ABR: variants seen among roughly 807,000 people sequenced by gnomAD.
ABR encodes the protein active breakpoint cluster region-related protein.
ABR carries 35 observed loss-of-function variants against 107.2 expected under a neutral mutation model. The ratio of observed to expected loss-of-function variants is 0.33; its 90% CI spans 0.25 to 0.43. ABR has a LOEUF of 0.43. Ranked by LOEUF, ABR falls within the 20% of genes least tolerant of loss-of-function variation. The pLI is 1.00. For synonymous variants in ABR, 498 were observed against 462.0 expected, an observed-to-expected ratio of 1.08 and a Z score of -1.00; for missense variants, 815 against 1,115.2, an observed-to-expected ratio of 0.73 and a Z score of 3.83.
intron 2 of ABR, among the ~76,000 whole-genome samples, chr17:1,110,503 T>C (rs2038610310): frequency 6.6e-6 from 1 of 152,178 alleles, no homozygotes; most frequent in African/African-American, 2.4e-5. Flanking sequence ...TCTGGCTTAT[T>C]AACAGGAATG....
chr17:1,034,651 T>C (rs1471052275), intron 16 of ABR, among the ~76,000 whole-genome samples: 1 of 150,874 alleles, frequency 6.6e-6, no homozygotes, highest in African/African-American at 2.5e-5. Context: ...AGCTTTACTC[T>C]ACCTCCCTCC....
chr17:1,110,985 C>T (rs1026995425), intron 2 of ABR, among the ~76,000 whole-genome samples: 2 of 152,190 alleles, frequency 1.3e-5, no homozygotes, highest in Non-Finnish European at 2.9e-5. Flanking sequence ...AACGACCAGG[C>T]CTGGCATTCC....
rs1442069639 is a variant in ABR, at chr17:1,175,366, C to T, written c.61+4301G>A. ...GGCGGAGGTTGCAGTGAGCCGAGAT[C>T]GCACCGCCGCACTCCAGCCTGGGCG... On this transcript the variant is annotated intron_variant, in intron 1 of 22. Coordinates refer to ENST00000302538, the MANE Select transcript of ABR (RefSeq NM_021962.5). 3.3e-5 allele frequency among the ~76,000 whole-genome samples: 5 copies of T among 152,068 alleles called. No individual in the cohort carries two copies. The East Asian group carries it at 5.8e-4, about 18-fold the overall frequency.
chr17:1,009,986 T>C, intron 20 of ABR: 1 of 601,794 alleles, frequency 1.7e-6, no homozygotes, highest in East Asian at 2.8e-5. Flanking sequence ...GACTGGTAAC[T>C]CAGCCAGGAG....
chr17:1,222,083 T>TTTTTTTTTTTTTG (rs1426544021), intron 1 of ABR, among the ~76,000 whole-genome samples: 2 of 151,178 alleles, frequency 1.3e-5, no homozygotes, highest in African/African-American at 2.4e-5. Flanking sequence ...TCTTTTTTTC[T>TTTTTTTTTTTTTG]GAGACGGAGT....
At chr17:1,161,370 T>C (rs905816931) in intron 1 of ABR, among the ~76,000 whole-genome samples, 3 of 151,622 alleles carry the variant, frequency 2.0e-5, no homozygotes, top group Admixed American at 6.6e-5. Flanking sequence ...GCCTCCCAAG[T>C]AGCTTAGACT....
chr17:1,098,403 C>T (rs924458171), intron 3 of ABR, among the ~76,000 whole-genome samples: 2 of 152,190 alleles, frequency 1.3e-5, no homozygotes, highest in South Asian at 4.1e-4. Context: ...AAACCCACAA[C>T]AGGTGTAAGA....
intron 1 of ABR, among the ~76,000 whole-genome samples, chr17:1,220,048 T>C (rs1374025183): frequency 6.6e-6 from 1 of 151,916 alleles, no homozygotes. Context: ...TCACAGCACT[T>C]TGGGAGGCGG....
chr17:1,052,190 C>A (rs1023299215), intron 14 of ABR, among the ~76,000 whole-genome samples: 1 of 152,066 alleles, frequency 6.6e-6, no homozygotes, highest in African/African-American at 2.4e-5. Flanking sequence ...ACACACAGAA[C>A]GGGGCTGGGG....
chr17:1,209,180 T>TA (rs1241283506), intron 1 of ABR, among the ~76,000 whole-genome samples: 1 of 152,038 alleles, frequency 6.6e-6, no homozygotes, highest in Non-Finnish European at 1.5e-5. Context: ...GCCTGGAACT[T>TA]ACAGTCATAA....
intron 2 of ABR, among the ~76,000 whole-genome samples, chr17:1,102,583 C>T (rs1007884561): frequency 2.0e-5 from 3 of 152,232 alleles, no homozygotes; most frequent in African/African-American, 4.8e-5. Context: ...TAAGAGTTTA[C>T]AAATTTGTGT....
At chr17:1,006,649 A>T (rs2070061418) in intron 22 of ABR, among the ~76,000 whole-genome samples, 1 of 151,982 alleles carries the variant, frequency 6.6e-6, no homozygotes, top group Admixed American at 6.5e-5. Context: ...CCCTGGTGAC[A>T]CCCCATAGCC....
At chr17:1,079,108 A>G in intron 6 of ABR, 1 of 1,436,184 alleles carries the variant, frequency 7.0e-7, no homozygotes, top group South Asian at 1.5e-5. Flanking sequence ...CCTAAAGAGG[A>G]GCACGTTTGT....
intron 2 of ABR, among the ~76,000 whole-genome samples, chr17:1,124,863 C>G (rs1296297291): frequency 2.6e-5 from 4 of 152,150 alleles, no homozygotes; most frequent in Non-Finnish European, 4.4e-5. Context: ...GAGCCTGGTC[C>G]TCTCCTGGGT....
chr17:1,100,968 C>T (rs375106521), intron 2 of ABR: 2 of 556,766 alleles, frequency 3.6e-6, no homozygotes, highest in African/African-American at 1.9e-5. Flanking sequence ...GGATTACAGG[C>T]ACCTGCCACC....
chr17:1,133,326 A>T (rs1039247220), intron 1 of ABR, among the ~76,000 whole-genome samples: 1 of 152,044 alleles, frequency 6.6e-6, no homozygotes, highest in African/African-American at 2.4e-5. Flanking sequence ...GGTACAGTTT[A>T]TACCCAGCGT....
intron 1 of ABR, among the ~76,000 whole-genome samples, chr17:1,208,096 T>C (rs550773055): frequency 8.5e-5 from 13 of 152,316 alleles, no homozygotes; most frequent in African/African-American, 3.1e-4. Context: ...GGGCCATTGA[T>C]ATCAGAGATG....
chr17:1,107,675 T>C (rs1465941548), intron 2 of ABR, among the ~76,000 whole-genome samples: 1 of 152,150 alleles, frequency 6.6e-6, no homozygotes, highest in Non-Finnish European at 1.5e-5. Flanking sequence ...ACCCTGTTCC[T>C]AGTGGGGAGG....
chr17:1,091,912 G>A (rs2037057654), intron 3 of ABR, 62 bp from the exon 4 acceptor site: 2 of 1,515,402 alleles, frequency 1.3e-6, no homozygotes, highest in African/African-American at 1.4e-5. Flanking sequence ...GTGTCGGCAG[G>A]CCCCGGGGCC....
Sources: allele counts gnomAD v4.1 joint callset (sites outside exome capture counted in the v4.1 genomes callset), GRCh38; gene constraint gnomAD v4.1.1; transcripts MANE v1.5; gene names NCBI Gene and HGNC (gene_info 2026-07-23, HGNC 2026-07-21).